G3BP2: variants seen among roughly 807,000 people sequenced by gnomAD.
G3BP2 encodes the protein ras GTPase-activating protein-binding protein 2.
Under a neutral mutation model 56.7 loss-of-function variants are expected in G3BP2, and 11 were observed. The observed-to-expected ratio is 0.19, with a 90% CI of 0.12 to 0.32. The LOEUF (loss-of-function observed/expected upper bound fraction) is 0.32, where lower values mean the gene tolerates loss of function less well. Ranked by LOEUF, G3BP2 falls within the 10% of genes least tolerant of loss-of-function variation. The probability of loss-of-function intolerance (pLI) is 1.00; values close to 1 mark genes in which losing one functional copy is unlikely to be tolerated. For missense variants in G3BP2, 340 were observed against 610.9 expected (o/e 0.56, Z 4.67); for synonymous variants, 165 against 191.6 (o/e 0.86, Z 1.15).
chr4:75,663,234 A>T (rs1467734843), intron 1 of G3BP2, among the ~76,000 whole-genome samples: 1 of 152,310 alleles, frequency 6.6e-6, no homozygotes, highest in East Asian at 1.9e-4. Flanking sequence ...CAACAAGAAC[A>T]ACTAACATGA....
intron 3 of G3BP2, among the ~76,000 whole-genome samples, chr4:75,718,428 A>C (rs968361237): frequency 6.6e-6 from 1 of 152,196 alleles, no homozygotes; most frequent in African/African-American, 2.4e-5. Flanking sequence ...GAGAGGCAGA[A>C]CTTATGCTAG....
At chr4:75,705,958 A>G (rs34734513) in intron 3 of G3BP2, among the ~76,000 whole-genome samples, 19 of 152,158 alleles carry the variant, frequency 1.2e-4, no homozygotes, top group Non-Finnish European at 2.6e-4. Flanking sequence ...CTTCCCATAC[A>G]CAATATATAT....
chr4:75,672,875 G>T, intron 1 of G3BP2: 1 of 324,860 alleles, frequency 3.1e-6, no homozygotes, highest in Non-Finnish European at 4.4e-6. Flanking sequence ...CCATCAGCGC[G>T]CCTTCGGGAG....
chr4:75,656,239 G>A (rs1023831888), intron 5 of G3BP2, among the ~76,000 whole-genome samples: 15 of 151,474 alleles, frequency 9.9e-5, no homozygotes, highest in Admixed American at 7.9e-4. Context: ...TGATCCACCC[G>A]CCCTGGCCTC....
At chr4:75,666,757 A>G (rs1733070833) in intron 1 of G3BP2, among the ~76,000 whole-genome samples, 1 of 152,212 alleles carries the variant, frequency 6.6e-6, no homozygotes, top group African/African-American at 2.4e-5. Context: ...GAATTGTGCC[A>G]TTTTTATTAT....
intron 6 of G3BP2, 66 bp from the exon 7 acceptor site, chr4:75,655,312 T>A: frequency 8.8e-7 from 1 of 1,132,298 alleles, no homozygotes; most frequent in Non-Finnish European, 1.3e-6. Context: ...AATTTCTCTC[T>A]AATCCAATGG....
intron 8 of G3BP2, among the ~76,000 whole-genome samples, chr4:75,652,725 G>C (rs1284714125): frequency 2.0e-5 from 3 of 152,094 alleles, no homozygotes; most frequent in Non-Finnish European, 4.4e-5. Flanking sequence ...AAATGTCTGT[G>C]AGTTACTCTA....
chr4:75,692,013 C>G (rs1307692681), intron 3 of G3BP2, among the ~76,000 whole-genome samples: 1 of 152,118 alleles, frequency 6.6e-6, no homozygotes, highest in Non-Finnish European at 1.5e-5. Flanking sequence ...TTTAATCTCT[C>G]GGAACTTCAA....
At chr4:75,720,704 G>C (rs1002573100) in intron 3 of G3BP2, among the ~76,000 whole-genome samples, 23 of 151,134 alleles carry the variant, frequency 1.5e-4, no homozygotes, top group Middle Eastern at 3.5e-3. Flanking sequence ...GCTGAGGCAG[G>C]AGAATCGCTT....
Position 75,645,110 on chromosome 4 carries a change from G to A in G3BP2, c.*320C>T. ...TAACACTTAAACAAAATGTGCAGCAGAAGATTTTTTTTTTACTCAAAGGAC... is the reference window on the plus strand; with the variant it reads ...TAACACTTAAACAAAATGTGCAGCAAAAGATTTTTTTTTTACTCAAAGGAC... On this transcript the variant is annotated 3_prime_UTR_variant, in exon 12 of 12. Coordinates refer to ENST00000359707, the MANE Select transcript of G3BP2 (RefSeq NM_203505.3). 1 of 289,226 alleles carries A rather than the reference G, an allele frequency of 3.5e-6. No homozygotes were observed. Among genetic ancestry groups the A allele is most frequent in the South Asian group, 7.6e-5 (1 of 13,124 alleles). 17.9% of individuals were successfully genotyped at this position (289,226 alleles called of 1,614,324 possible).
upstream of G3BP2, among the ~76,000 whole-genome samples, chr4:75,678,296 TTGTGTGTGTGTGTGTG>T (rs57550763): frequency 1.3e-3 from 184 of 144,568 alleles, no homozygotes; most frequent in African/African-American, 2.5e-3. Flanking sequence ...CGTGCCTAGC[TTGTGTGTGTGTGTGTG>T]TGTGTGTGTG....
intron 3 of G3BP2, among the ~76,000 whole-genome samples, chr4:75,707,603 C>A (rs991310445): frequency 4.6e-3 from 539 of 116,480 alleles, no homozygotes; most frequent in Non-Finnish European, 5.1e-3. Flanking sequence ...GAGCGAGACT[C>A]AAAAAAAAAA....
chr4:75,654,057 T>A lies in G3BP2; in HGVS notation c.751A>T (p.Ser251Cys), dbSNP rs1261313799. 1 of 1,581,710 alleles carries A rather than the reference T, an allele frequency of 6.3e-7. No individual in the cohort carries two copies. Reference sequence around the variant, plus strand: ...GTACCACTAGGAGGCAGGTTTTTACTGGTCACTGAAGCCCAGGAGAAAGCC... The same window carrying A: ...GTACCACTAGGAGGCAGGTTTTTACAGGTCACTGAAGCCCAGGAGAAAGCC... ...PKAFSWASVT[S>C]KNLPPSGTVS... Residue 251 changes from serine to cysteine, a missense_variant, in exon 8 of 12, where the codon AGT becomes TGT. Coordinates refer to ENST00000359707, the MANE Select transcript of G3BP2 (RefSeq NM_203505.3).
At chr4:75,680,705 G>A (rs903061666) in intron 3 of G3BP2, among the ~76,000 whole-genome samples, 3 of 152,276 alleles carry the variant, frequency 2.0e-5, no homozygotes, top group Non-Finnish European at 2.9e-5. Flanking sequence ...AGTGGCTCAC[G>A]CCTGTAATCC....
chr4:75,673,740 T>C (rs1235977371), upstream of G3BP2: 1 of 612,488 alleles, frequency 1.6e-6, no homozygotes. Context: ...AGCAACGCAG[T>C]GTCTTTTGTA....
upstream of G3BP2, among the ~76,000 whole-genome samples, chr4:75,676,610 C>G (rs984050560): frequency 6.6e-6 from 1 of 152,116 alleles, no homozygotes; most frequent in Non-Finnish European, 1.5e-5. Context: ...ATTGTCAATA[C>G]ATTTCTGTTC....
chr4:75,704,605 C>T (rs1343918961), intron 3 of G3BP2, among the ~76,000 whole-genome samples: 1 of 151,430 alleles, frequency 6.6e-6, no homozygotes, highest in East Asian at 1.9e-4. Flanking sequence ...AGGTGTGAGC[C>T]ACTGTGATGG....
intron 3 of G3BP2, 34 bp downstream of exon 3, chr4:75,658,809 A>G (rs754783427): frequency 2.7e-5 from 36 of 1,347,084 alleles, no homozygotes; most frequent in African/African-American, 7.2e-5. Context: ...TCTTAACACA[A>G]AATTTCTAAA....
intron 3 of G3BP2, among the ~76,000 whole-genome samples, chr4:75,700,261 C>T (rs1560418996): frequency 2.6e-5 from 4 of 151,216 alleles, no homozygotes. Flanking sequence ...ACCACGTTGG[C>T]TAGGATGGTC....
Sources: allele counts gnomAD v4.1 joint callset (sites outside exome capture counted in the v4.1 genomes callset), GRCh38; gene constraint gnomAD v4.1.1; transcripts MANE v1.5; gene names NCBI Gene and HGNC (gene_info 2026-07-23, HGNC 2026-07-21).